Variants in SEMA3D observed in about 807,000 individuals in gnomAD.
The protein encoded by SEMA3D is semaphorin 3D.
SEMA3D carries 84 observed loss-of-function variants against 100.1 expected under a neutral mutation model. The ratio of observed to expected loss-of-function variants is 0.84; its 90% confidence interval spans 0.70 to 1.01. The LOEUF is 1.01. SEMA3D is among the 50% of genes least tolerant of loss of function. The pLI is 0.00. For synonymous variants in SEMA3D, 312 were observed against 320.7 expected (o/e 0.97, Z 0.29); for missense variants, 875 against 934.1 (o/e 0.94, Z 0.82).
At chr7:85,063,120 C>A (rs185204024) in intron 8 of SEMA3D, among the ~76,000 whole-genome samples, 8 of 152,202 alleles carry the variant, frequency 5.3e-5, no homozygotes, top group Admixed American at 1.3e-4. Flanking sequence ...ATCCTTATAA[C>A]GCCCTGTGAA....
chr7:85,233,666 T>C, the SEMA3D span, among the ~76,000 whole-genome samples: 1 of 152,216 alleles, frequency 6.6e-6, no homozygotes, highest in African/African-American at 2.4e-5. Context: ...AAGATGGTGC[T>C]TGTAATCATT....
intron 5 of SEMA3D, among the ~76,000 whole-genome samples, chr7:85,075,214 A>AT (rs1791889043): frequency 6.6e-6 from 1 of 152,086 alleles, no homozygotes; most frequent in South Asian, 2.1e-4. Flanking sequence ...TTAGTTCACC[A>AT]TTTTTTCAAA....
chr7:85,053,401 C>A (rs552710012), intron 9 of SEMA3D, among the ~76,000 whole-genome samples: 1 of 151,884 alleles, frequency 6.6e-6, no homozygotes, highest in Non-Finnish European at 1.5e-5. Context: ...GGGGAAGAAA[C>A]AACAGAAAGG....
the SEMA3D span, among the ~76,000 whole-genome samples, chr7:85,242,790 G>A: frequency 6.6e-6 from 1 of 151,944 alleles, no homozygotes; most frequent in African/African-American, 2.4e-5. Context: ...ATGTAGTACT[G>A]TCTTTATCCA....
chr7:85,141,486 T>C, intron 2 of SEMA3D: 2 of 982,988 alleles, frequency 2.0e-6, no homozygotes, highest in Non-Finnish European at 2.4e-6. Context: ...AAGGACATGA[T>C]GCATGTCCTC....
chr7:85,126,504 T>C (rs1368490270), intron 2 of SEMA3D, among the ~76,000 whole-genome samples: 5 of 151,824 alleles, frequency 3.3e-5, no homozygotes, highest in African/African-American at 1.2e-4. Context: ...TTGTTCTTTA[T>C]ACCTTAGTGG....
chr7:85,090,404 C>G (rs538101245), intron 4 of SEMA3D, among the ~76,000 whole-genome samples: 1 of 152,132 alleles, frequency 6.6e-6, no homozygotes. Context: ...GATTACTAGA[C>G]AGCATATGCT....
At chr7:85,127,262 C>T (rs1198880602) in intron 2 of SEMA3D, among the ~76,000 whole-genome samples, 12 of 152,132 alleles carry the variant, frequency 7.9e-5, no homozygotes, top group Non-Finnish European at 1.2e-4. Flanking sequence ...ATATAAATTA[C>T]AGTACCTACA....
At chr7:85,088,766 G>C (rs931359988) in intron 4 of SEMA3D, among the ~76,000 whole-genome samples, 10 of 152,092 alleles carry the variant, frequency 6.6e-5, no homozygotes, top group African/African-American at 2.2e-4. Flanking sequence ...TTATATAAGG[G>C]CAGGCCTACA....
At chr7:85,079,208 G>A (rs1436088668) in intron 5 of SEMA3D, among the ~76,000 whole-genome samples, 1 of 152,054 alleles carries the variant, frequency 6.6e-6, no homozygotes, top group African/African-American at 2.4e-5. Context: ...GTTGTCATAA[G>A]GATTAAATGA....
chr7:85,097,160 T>C (rs1788584848), intron 4 of SEMA3D, among the ~76,000 whole-genome samples: 1 of 151,766 alleles, frequency 6.6e-6, no homozygotes. Flanking sequence ...TTCCTCCGGG[T>C]TTCACACTGG....
chr7:85,233,923 G>A, the SEMA3D span, among the ~76,000 whole-genome samples: 1 of 152,068 alleles, frequency 6.6e-6, no homozygotes, highest in Non-Finnish European at 1.5e-5. Context: ...CTAGATCAGG[G>A]GAAAATGCCA....
At chr7:85,048,182 G>A (rs561996116) in intron 9 of SEMA3D, among the ~76,000 whole-genome samples, 10 of 151,844 alleles carry the variant, frequency 6.6e-5, no homozygotes, top group East Asian at 1.9e-4. Flanking sequence ...TTTAATGCCT[G>A]TTATATTTCA....
chr7:85,216,375 G>A, the SEMA3D span, among the ~76,000 whole-genome samples: 1 of 151,690 alleles, frequency 6.6e-6, no homozygotes, highest in Non-Finnish European at 1.5e-5. Context: ...GTGTGTGTGT[G>A]TGTGTGTGTG....
At chr7:85,226,472 C>T in the SEMA3D span, among the ~76,000 whole-genome samples, 1 of 152,088 alleles carries the variant, frequency 6.6e-6, no homozygotes, top group Non-Finnish European at 1.5e-5. Flanking sequence ...GGTAAGCCCC[C>T]TTTTTCACTT....
intron 5 of SEMA3D, among the ~76,000 whole-genome samples, chr7:85,079,309 A>C (rs1461441586): frequency 6.6e-6 from 1 of 152,228 alleles, no homozygotes; most frequent in African/African-American, 2.4e-5. Flanking sequence ...AAAATGAAAC[A>C]TTATTTTAAA....
rs544380935 is a variant in SEMA3D at position 85,089,338 on chromosome 7, C to T, written c.313-7759G>A. On this transcript the variant is annotated intron_variant, in intron 4 of 18. Coordinates refer to ENST00000284136, the MANE Select transcript of SEMA3D (RefSeq NM_001384900.1). ...TCTAGATGATCCCTTCTTATAAATACCTGTCAATTTTATTATCATCTCCCC... is the reference window on the plus strand; with the variant it reads ...TCTAGATGATCCCTTCTTATAAATATCTGTCAATTTTATTATCATCTCCCC... Among the ~76,000 whole-genome samples the T allele has an allele frequency of 1.1e-4, 17 of 152,186 alleles. No homozygotes were observed. In the South Asian group the frequency reaches 3.5e-3, roughly 32 times the overall value.
intron 1 of SEMA3D, chr7:85,163,242 T>A (rs1162731131): frequency 6.6e-6 from 1 of 152,092 alleles, no homozygotes. Flanking sequence ...AGGAGGAAAT[T>A]GGGGCAAGTT....
rs774367634 is a variant in SEMA3D at position 84,999,593 on chromosome 7, G to A, written c.2181C>T (p.Leu727=). ...GCCACATCTGTTCGCAGTACTGGTC[G>A]AGGCTGAAGTTTGGGCTGCTAAGGA... is the stretch of plus-strand genomic sequence containing the variant. The part of the protein sequence containing the change: ...IQILSSPNFS[L]DQYCEQMWHR... Residue 727 remains leucine, a synonymous_variant, in exon 19 of 19, where the codon CTC becomes CTT. Coordinates refer to ENST00000284136, the MANE Select transcript of SEMA3D (RefSeq NM_001384900.1). 5.0e-6 allele frequency: 8 copies of A among 1,613,904 alleles called. No individual in the cohort carries two copies. The African/African-American group carries it at 6.7e-5, about 13-fold the overall frequency.
Sources: allele counts gnomAD v4.1 joint callset (sites outside exome capture counted in the v4.1 genomes callset), GRCh38; gene constraint gnomAD v4.1.1; transcripts MANE v1.5; gene names NCBI Gene and HGNC (gene_info 2026-07-23, HGNC 2026-07-21).